The following MSH3 variants were observed in gnomAD, a reference collection of about 807,000 sequenced individuals.
MSH3 encodes DNA mismatch repair protein Msh3.
MSH3 carries 106 observed loss-of-function variants against 123.3 expected under a neutral mutation model. The observed-to-expected ratio is 0.86, with a 90% CI of 0.73 to 1.01. The LOEUF is 1.01. Ranked by LOEUF, MSH3 falls within the 50% of genes least tolerant of loss-of-function variation. MSH3 has a pLI of 0.00. For missense variants in MSH3, 1,459 were observed against 1,347.6 expected (o/e 1.08, Z -1.29); for synonymous variants, 515 against 481.4 (o/e 1.07, Z -0.91).
chr5:80,776,214 G>A (rs968295566), intron 16 of MSH3, among the ~76,000 whole-genome samples: 4 of 152,000 alleles, frequency 2.6e-5, no homozygotes, highest in African/African-American at 7.3e-5. Context: ...TTTTAACCAA[G>A]GAGATCATTA....
rs1464305406 is a variant in MSH3, at chr5:80,827,503, CTT to C, written c.2813+13764_2813+13765del. Among the ~76,000 whole-genome samples the C allele has an allele frequency of 3.3e-5, 5 of 152,286 alleles. No homozygotes were observed. In the South Asian group the frequency reaches 8.3e-4, roughly 25 times the overall value. On this transcript the variant is annotated intron_variant, in intron 20 of 23. Coordinates refer to ENST00000265081, the MANE Select transcript of MSH3 (RefSeq NM_002439.5). ...ATTTGTACTCTATACAAAATATATT[CTT>C]TATGGACAGAAAGAAAACATCTTGA...
At chr5:80,751,501 G>T (rs1580018328) in intron 12 of MSH3, among the ~76,000 whole-genome samples, 1 of 152,166 alleles carries the variant, frequency 6.6e-6, no homozygotes, top group Non-Finnish European at 1.5e-5. Flanking sequence ...TCCTTCTGAG[G>T]CCTATCAGGG....
chr5:80,824,001 A>G (rs1745245574), intron 20 of MSH3, among the ~76,000 whole-genome samples: 1 of 152,240 alleles, frequency 6.6e-6, no homozygotes, highest in East Asian at 1.9e-4. Flanking sequence ...TTCAGAGAGC[A>G]CAGGGTTGGG....
intron 20 of MSH3, among the ~76,000 whole-genome samples, chr5:80,835,386 C>T (rs1386685522): frequency 2.0e-5 from 3 of 152,096 alleles, no homozygotes; most frequent in Non-Finnish European, 4.4e-5. Context: ...CAAAGCGAGG[C>T]AGGCTGGAGA....
At chr5:80,781,715 A>G (rs540047161) in intron 17 of MSH3, among the ~76,000 whole-genome samples, 3 of 152,168 alleles carry the variant, frequency 2.0e-5, no homozygotes, top group African/African-American at 7.2e-5. Flanking sequence ...CCAACCTGTT[A>G]TCAAATTTCT....
At chr5:80,712,104 C>T (rs949175240) in intron 8 of MSH3, among the ~76,000 whole-genome samples, 2 of 152,164 alleles carry the variant, frequency 1.3e-5, no homozygotes, top group African/African-American at 4.8e-5. Flanking sequence ...TCTTTCCTCT[C>T]CTCCTGTGAT....
At chr5:80,809,491 T>C (rs1264106440) in intron 19 of MSH3, among the ~76,000 whole-genome samples, 3 of 152,152 alleles carry the variant, frequency 2.0e-5, no homozygotes, top group Admixed American at 2.0e-4. Context: ...AAAGTGTATA[T>C]TTTTTCTTTT....
rs752047817 is a variant in MSH3, at chr5:80,813,749, C to T, written c.2813+8C>T. On this transcript the variant is annotated splice_region_variant and intron_variant, in intron 20 of 23. Transcript: ENST00000265081. ...GGATGGCATTTTCACAAGGTAAGTACGTTAATTCAGCTTGCATATATTCTT... is the reference window on the plus strand; with the variant it reads ...GGATGGCATTTTCACAAGGTAAGTATGTTAATTCAGCTTGCATATATTCTT... The T allele has an allele frequency of 2.5e-6, 4 of 1,613,912 alleles. No homozygotes were observed. The highest frequency in any genetic ancestry group is 3.4e-6 in the Non-Finnish European group (4 of 1,179,834).
chr5:80,775,907 G>GTTTTT, intron 16 of MSH3, 149 bp downstream of exon 16: 1 of 598,242 alleles, frequency 1.7e-6, no homozygotes, highest in African/African-American at 1.9e-5. Context: ...TTTTTTTGGA[G>GTTTTT]GGGATGTAGT....
At position 80,813,586 on chromosome 5, in the gene MSH3, G is replaced by A. The variant is rs778360209; in HGVS notation, c.2658G>A (p.Glu886=). The A allele has an allele frequency of 1.9e-6, 3 of 1,614,032 alleles. No individual in the cohort carries two copies. Among genetic ancestry groups the A allele is most frequent in the South Asian group, 1.1e-5 (1 of 91,080 alleles). The change falls in exon 20 of 24, where the codon GAG becomes GAA. Residue 886 remains glutamate (E), a splice_region_variant and synonymous_variant. Coordinates refer to ENST00000265081, the MANE Select transcript of MSH3 (RefSeq NM_002439.5). Reference sequence around the variant, plus strand: ...TGAAATTCCTTTCTAATTTTCAGGAGGACTCAGAGAGAGTAATGATAATTA... The same window carrying A: ...TGAAATTCCTTTCTAATTTTCAGGAAGACTCAGAGAGAGTAATGATAATTA... ...QYVPNNTDLS[E]DSERVMIITG... is the part of the protein sequence containing the mutation.
chr5:80,819,440 A>ATG (rs1205914161), intron 20 of MSH3, among the ~76,000 whole-genome samples: 1 of 82,744 alleles, frequency 1.2e-5, no homozygotes, highest in East Asian at 5.1e-4. Flanking sequence ...GTGTATATAT[A>ATG]TGTATATGTG....
At chr5:80,678,820 A>G in intron 7 of MSH3, 107 bp from the exon 8 acceptor site, 3 of 1,235,370 alleles carry the variant, frequency 2.4e-6, no homozygotes, top group Non-Finnish European at 3.5e-6. Flanking sequence ...GAGTACATAC[A>G]TACTCCTGAG....
In MSH3 at chr5:80,654,976, C is replaced by G. The variant is rs921898939; in HGVS notation, c.237+12C>G. ...TGCCGCCGCACATAGTAGGTTCTGTCTGGGACTGGGCAGGGCCATCGGGGC... is the reference window on the plus strand; with the variant it reads ...TGCCGCCGCACATAGTAGGTTCTGTGTGGGACTGGGCAGGGCCATCGGGGC... On this transcript the variant is annotated intron_variant, in intron 1 of 23. Coordinates refer to ENST00000265081, the MANE Select transcript of MSH3 (RefSeq NM_002439.5). 2.1e-5 allele frequency: 30 copies of G among 1,440,154 alleles called. 1 individual carries two copies. In the African/African-American group the frequency reaches 4.2e-4, roughly 20 times the overall value. 89.2% of individuals were successfully genotyped at this position (1,440,154 alleles called of 1,614,324 possible). A position where few individuals can be genotyped will look rare whatever the true frequency, so the allele number is the denominator to read the frequency against.
intron 3 of MSH3, among the ~76,000 whole-genome samples, chr5:80,669,513 A>G (rs376068473): frequency 1.3e-5 from 2 of 152,230 alleles, no homozygotes; most frequent in South Asian, 2.1e-4. Flanking sequence ...TAGGAGTACT[A>G]ATGTTGAAAA....
chr5:80,672,146 A>G, intron 4 of MSH3, 98 bp from the exon 5 acceptor site: 1 of 898,786 alleles, frequency 1.1e-6, no homozygotes, highest in South Asian at 1.4e-5. Context: ...TACAAATCCT[A>G]AATGTATACC....
chr5:80,722,663 G>T (rs914951250), intron 8 of MSH3, among the ~76,000 whole-genome samples: 5 of 152,168 alleles, frequency 3.3e-5, no homozygotes, highest in Non-Finnish European at 5.9e-5. Context: ...CACAACCAAA[G>T]CTGTATAAAA....
At chr5:80,875,512 A>C (rs1746292700) in intron 23 of MSH3, among the ~76,000 whole-genome samples, 1 of 152,132 alleles carries the variant, frequency 6.6e-6, no homozygotes, top group Non-Finnish European at 1.5e-5. Context: ...TGGGGCTGGC[A>C]GGGGTAAGGA....
Position 80,678,944 on chromosome 5 carries a change from AGGCGAG to A in MSH3, c.1193_1198del (p.Gly398_Glu399del), listed in dbSNP as rs1432705374. On this transcript the variant is annotated inframe_deletion, in exon 8 of 24. Transcript: ENST00000265081. ...GTTTTTAGGGAGTGCAGCCTGCCAC[AGGCGAG>A]GTTGTGTTTGATAGTTTCCAGGACT... 6.2e-7 allele frequency: 1 copy of A among 1,614,058 alleles called. No homozygotes were observed. Among genetic ancestry groups the A allele is most frequent in the Non-Finnish European group, 8.5e-7 (1 of 1,180,022 alleles).
chr5:80,719,847 G>A (rs1333088131), intron 8 of MSH3, among the ~76,000 whole-genome samples: 4 of 152,140 alleles, frequency 2.6e-5, no homozygotes, highest in African/African-American at 9.7e-5. Context: ...AATTTATTCT[G>A]TAGTATGGTT....
Sources: gnomAD v4.1 joint callset for allele counts (sites outside exome capture counted in the v4.1 genomes callset) on GRCh38, gnomAD v4.1.1 for gene constraint, MANE v1.5 for transcripts, NCBI Gene and HGNC (gene_info 2026-07-23, HGNC 2026-07-21) for gene names.